Variants in NF1 observed in about 807,000 individuals in gnomAD.
NF1 encodes the protein neurofibromin.
Under a neutral mutation model 325.7 loss-of-function variants are expected in NF1, and 122 were observed. The observed-to-expected ratio is 0.37, with a 90% confidence interval of 0.32 to 0.44. The LOEUF (loss-of-function observed/expected upper bound fraction) is 0.44. Ranked by LOEUF, NF1 falls within the 20% of genes least tolerant of loss-of-function variation. The pLI is 1.00. For synonymous variants in NF1, 1,091 were observed against 1,186.0 expected, an observed-to-expected ratio of 0.92 and a Z score of 1.65; for missense variants, 2,140 against 3,415.4, an observed-to-expected ratio of 0.63 and a Z score of 9.31.
chr17:31,199,424 A>G (rs1224365203), intron 8 of NF1, among the ~76,000 whole-genome samples: 1 of 152,158 alleles, frequency 6.6e-6, no homozygotes, highest in Non-Finnish European at 1.5e-5. Flanking sequence ...CATTATGATC[A>G]CAAAACATAC....
intron 1 of NF1, among the ~76,000 whole-genome samples, chr17:31,101,604 T>C (rs1226675398): frequency 1.3e-5 from 2 of 152,188 alleles, no homozygotes; most frequent in South Asian, 4.1e-4. Context: ...TGTATCATGC[T>C]TCTTCCCACT....
chr17:31,235,495 C>A, intron 27 of NF1, 116 bp from the exon 28 acceptor site: 1 of 1,010,440 alleles, frequency 9.9e-7, no homozygotes, highest in Non-Finnish European at 1.6e-6. Flanking sequence ...TCATCATTTG[C>A]CTTAATTTAG....
chr17:31,178,376 C>T (rs142126109), intron 5 of NF1, among the ~76,000 whole-genome samples: 182 of 152,280 alleles, frequency 1.2e-3, no homozygotes, highest in African/African-American at 4.1e-3. Context: ...AAGCACTAAG[C>T]ATGGAAAGGA....
intron 4 of NF1, among the ~76,000 whole-genome samples, chr17:31,169,395 C>A (rs753174924): frequency 6.6e-6 from 1 of 152,122 alleles, no homozygotes; most frequent in Non-Finnish European, 1.5e-5. Flanking sequence ...ATCATGGTTT[C>A]TTTTATCATA....
At chr17:31,274,285 C>T (rs999094286) in intron 36 of NF1, among the ~76,000 whole-genome samples, 8 of 152,134 alleles carry the variant, frequency 5.3e-5, no homozygotes, top group African/African-American at 1.7e-4. Context: ...TTTGGTCAGC[C>T]GTTTTCCATG....
chr17:31,154,296 A>G (rs749830419), intron 1 of NF1, among the ~76,000 whole-genome samples: 2 of 152,082 alleles, frequency 1.3e-5, no homozygotes. Flanking sequence ...ACCTCAAGTG[A>G]TCCACCTGCC....
chr17:31,338,234 C>T (rs1034352752), intron 45 of NF1, 95 bp downstream of exon 45: 2 of 881,270 alleles, frequency 2.3e-6, no homozygotes, highest in Non-Finnish European at 3.9e-6. Flanking sequence ...AATTTGAGGT[C>T]AATGAAATAT....
intron 1 of NF1, among the ~76,000 whole-genome samples, chr17:31,102,503 G>A (rs1265971430): frequency 1.3e-5 from 2 of 152,102 alleles, no homozygotes; most frequent in Non-Finnish European, 2.9e-5. Flanking sequence ...AGCACTTTGG[G>A]AGGCCCATGT....
intron 1 of NF1, chr17:31,138,465 T>C (rs1176186423): frequency 6.6e-6 from 1 of 152,294 alleles, no homozygotes; most frequent in African/African-American, 2.4e-5. Context: ...AGTTTCACTA[T>C]GTTGGCCAGG....
At chr17:31,230,211 T>G in intron 22 of NF1, 49 bp from the exon 23 acceptor site, 1 of 1,598,470 alleles carries the variant, frequency 6.3e-7, no homozygotes, top group Non-Finnish European at 8.6e-7. Flanking sequence ...GAATGCCTTC[T>G]CTTTTGTCTA....
chr17:31,350,464 T>C, intron 50 of NF1, 146 bp downstream of exon 50: 1 of 676,650 alleles, frequency 1.5e-6, no homozygotes, highest in South Asian at 1.8e-5. Context: ...ACTCATTTTA[T>C]AAATGTGTGG....
At chr17:31,307,983 T>A (rs758066732) in intron 36 of NF1, 6 of 1,202,030 alleles carry the variant, frequency 5.0e-6, no homozygotes, top group Non-Finnish European at 6.6e-6. Context: ...AGAAAAGATA[T>A]GTGATTTTTT....
intron 14 of NF1, 61 bp from the exon 15 acceptor site, chr17:31,221,789 T>A (rs1597706475): frequency 1.7e-6 from 2 of 1,183,848 alleles, no homozygotes; most frequent in East Asian, 2.3e-5. Flanking sequence ...TCCAGTGTTA[T>A]GTTTACCAAA....
chr17:31,243,815 A>G (rs1177198215), intron 29 of NF1, among the ~76,000 whole-genome samples: 1 of 151,834 alleles, frequency 6.6e-6, no homozygotes, highest in Non-Finnish European at 1.5e-5. Flanking sequence ...CCACTGTGTC[A>G]AGCTGGTACC....
At chr17:31,250,123 A>ACG (rs1174877182) in intron 30 of NF1, 6 of 422,894 alleles carry the variant, frequency 1.4e-5, no homozygotes, top group Non-Finnish European at 2.8e-5. Flanking sequence ...AAAGCTTTTC[A>ACG]CGGTATACAT....
chr17:31,307,412 C>T (rs2068754022), intron 36 of NF1, among the ~76,000 whole-genome samples: 5 of 152,194 alleles, frequency 3.3e-5, no homozygotes. Flanking sequence ...TGAAGTAAAG[C>T]TTGAACTGAA....
intron 8 of NF1, among the ~76,000 whole-genome samples, chr17:31,197,376 A>T (rs2066453594): frequency 7.7e-6 from 1 of 129,730 alleles, no homozygotes; most frequent in African/African-American, 2.9e-5. Context: ...AAAAAATACC[A>T]TTGGGATTTT....
intron 1 of NF1, among the ~76,000 whole-genome samples, chr17:31,145,497 C>G (rs890703803): frequency 5.3e-5 from 8 of 152,098 alleles, no homozygotes; most frequent in Admixed American, 1.3e-4. Flanking sequence ...CATGGCTGGT[C>G]TTCCCATTTT....
intron 13 of NF1, among the ~76,000 whole-genome samples, 189 bp from the exon 14 acceptor site, chr17:31,218,816 C>A (rs1015959160): frequency 1.1e-4 from 16 of 152,140 alleles, no homozygotes; most frequent in African/African-American, 3.9e-4. Context: ...AGGTGATCCA[C>A]CCGCCACTAC....
Sources: gnomAD v4.1 joint callset for allele counts (sites outside exome capture counted in the v4.1 genomes callset) on GRCh38, gnomAD v4.1.1 for gene constraint, MANE v1.5 for transcripts, NCBI Gene and HGNC (gene_info 2026-07-23, HGNC 2026-07-21) for gene names.